Variants in GRM1 observed in about 807,000 individuals in gnomAD.
The protein encoded by GRM1 is glutamate metabotropic receptor 1.
GRM1 carries 33 observed loss-of-function variants against 90.9 expected under a neutral mutation model. The ratio of observed to expected loss-of-function variants is 0.36; its 90% CI spans 0.28 to 0.49. The LOEUF (loss-of-function observed/expected upper bound fraction) is 0.49, where lower values mean the gene tolerates loss of function less well. GRM1 is among the 20% of genes least tolerant of loss of function. The probability of loss-of-function intolerance (pLI) is 0.99; values close to 1 mark genes in which losing one functional copy is unlikely to be tolerated. For synonymous variants in GRM1, 700 were observed against 613.2 expected (o/e 1.14, Z -2.09); for missense variants, 1,190 against 1,534.3 (o/e 0.78, Z 3.75).
chr6:146,248,590 A>G (rs971816344), intron 2 of GRM1, among the ~76,000 whole-genome samples: 1 of 152,220 alleles, frequency 6.6e-6, no homozygotes, highest in Non-Finnish European at 1.5e-5. Flanking sequence ...CTGTGAGTCA[A>G]TTAAACCTCT....
chr6:146,176,763 G>A (rs944342631), intron 2 of GRM1, among the ~76,000 whole-genome samples: 3 of 151,914 alleles, frequency 2.0e-5, no homozygotes, highest in African/African-American at 4.8e-5. Context: ...ATCTTTTAAC[G>A]AGGTTACTTC....
intron 5 of GRM1, among the ~76,000 whole-genome samples, chr6:146,384,234 ACT>A (rs1478112446): frequency 6.6e-6 from 1 of 152,154 alleles, no homozygotes; most frequent in Non-Finnish European, 1.5e-5. Flanking sequence ...TTGATTGAAT[ACT>A]AGTCTACATG....
At chr6:146,350,915 T>G (rs1414823911) in intron 3 of GRM1, among the ~76,000 whole-genome samples, 3 of 152,228 alleles carry the variant, frequency 2.0e-5, no homozygotes, top group Non-Finnish European at 4.4e-5. Context: ...TTCTTCCCCT[T>G]TAACCTAGCC....
intron 1 of GRM1, among the ~76,000 whole-genome samples, chr6:146,082,325 T>G (rs1049615267): frequency 6.6e-6 from 1 of 152,148 alleles, no homozygotes; most frequent in African/African-American, 2.4e-5. Flanking sequence ...TGAATTAATT[T>G]TTGTATTTTT....
At chr6:146,040,234 G>A (rs1468916015) in intron 1 of GRM1, among the ~76,000 whole-genome samples, 1 of 151,982 alleles carries the variant, frequency 6.6e-6, no homozygotes, top group Admixed American at 6.6e-5. Context: ...AAAGAAAGCT[G>A]ATGGGTAAAA....
At chr6:146,308,029 T>A (rs937998092) in intron 3 of GRM1, among the ~76,000 whole-genome samples, 1 of 152,238 alleles carries the variant, frequency 6.6e-6, no homozygotes, top group Non-Finnish European at 1.5e-5. Context: ...TTAATCATTG[T>A]AGGACAGTGG....
intron 2 of GRM1, among the ~76,000 whole-genome samples, chr6:146,295,791 A>G (rs4479958): frequency 0.21 from 31,965 of 152,014 alleles, 7,476 homozygotes; most frequent in African/African-American, 0.58. Context: ...AGGTAAAATC[A>G]TGTCAAGGGA....
intron 5 of GRM1, among the ~76,000 whole-genome samples, chr6:146,362,990 G>A (rs978343851): frequency 1.3e-5 from 2 of 152,050 alleles, no homozygotes; most frequent in Non-Finnish European, 1.5e-5. Context: ...GGCTGGAATT[G>A]GAACGTTAAA....
intron 2 of GRM1, among the ~76,000 whole-genome samples, chr6:146,235,322 T>C (rs1780600475): frequency 6.6e-6 from 1 of 152,116 alleles, no homozygotes; most frequent in African/African-American, 2.4e-5. Context: ...CTAGATGTAA[T>C]ATATTTTATT....
chr6:146,432,091 A>T (rs1778432814), intron 7 of GRM1, among the ~76,000 whole-genome samples: 1 of 152,216 alleles, frequency 6.6e-6, no homozygotes, highest in Non-Finnish European at 1.5e-5. Context: ...GGAAGTCAAT[A>T]AGACAATTTT....
chr6:146,297,044 T>C (rs1477906062), intron 2 of GRM1, among the ~76,000 whole-genome samples: 2 of 152,238 alleles, frequency 1.3e-5, no homozygotes, highest in Admixed American at 1.3e-4. Context: ...TCTGTCACCA[T>C]TGCTAGCACC....
chr6:146,228,877 C>G (rs1363965128), intron 2 of GRM1, among the ~76,000 whole-genome samples: 1 of 152,066 alleles, frequency 6.6e-6, no homozygotes, highest in Non-Finnish European at 1.5e-5. Flanking sequence ...ATTCCATACT[C>G]CTTGCTTTAT....
At chr6:146,102,307 C>T (rs1777078983) in intron 1 of GRM1, among the ~76,000 whole-genome samples, 1 of 152,146 alleles carries the variant, frequency 6.6e-6, no homozygotes, top group Admixed American at 6.5e-5. Flanking sequence ...ATATCTAAGA[C>T]CTAGCATGGT....
At chr6:146,314,089 C>G (rs1783874555) in intron 3 of GRM1, among the ~76,000 whole-genome samples, 1 of 74,384 alleles carries the variant, frequency 1.3e-5, no homozygotes, top group Non-Finnish European at 2.5e-5. Flanking sequence ...TTTTTGGAGA[C>G]AGAGTCTTGC....
chr6:146,428,392 A>G (rs1380251386), intron 7 of GRM1, among the ~76,000 whole-genome samples: 5 of 152,192 alleles, frequency 3.3e-5, no homozygotes, highest in African/African-American at 9.7e-5. Flanking sequence ...GAGCAATGCA[A>G]CTGTAATTTT....
chr6:146,210,470 G>A (rs1779652791), intron 2 of GRM1, among the ~76,000 whole-genome samples: 1 of 152,158 alleles, frequency 6.6e-6, no homozygotes, highest in Non-Finnish European at 1.5e-5. Context: ...ATACCACACA[G>A]TAGTAACACA....
intron 1 of GRM1, among the ~76,000 whole-genome samples, chr6:146,051,832 A>G (rs771133437): frequency 1.1e-4 from 16 of 152,090 alleles, no homozygotes; most frequent in Admixed American, 3.3e-4. Flanking sequence ...GCACCCTTAT[A>G]TAATCTTCTT....
intron 1 of GRM1, among the ~76,000 whole-genome samples, chr6:146,065,278 T>C (rs1775807951): frequency 6.6e-6 from 1 of 152,200 alleles, no homozygotes; most frequent in Admixed American, 6.5e-5. Flanking sequence ...GTTCAGGCTA[T>C]GTGTGAACCA....
At chr6:146,081,496 C>T (rs1776363154) in intron 1 of GRM1, among the ~76,000 whole-genome samples, 1 of 152,098 alleles carries the variant, frequency 6.6e-6, no homozygotes, top group African/African-American at 2.4e-5. Context: ...GGGGACATGT[C>T]ACGGCAAGAG....
Sources: gnomAD v4.1 joint callset for allele counts (sites outside exome capture counted in the v4.1 genomes callset) on GRCh38, gnomAD v4.1.1 for gene constraint, MANE v1.5 for transcripts, NCBI Gene and HGNC (gene_info 2026-07-23, HGNC 2026-07-21) for gene names.